TNNI3K: variants seen among roughly 807,000 people sequenced by gnomAD.
TNNI3K encodes the protein serine/threonine-protein kinase TNNI3K.
In TNNI3K, 140 loss-of-function variants were observed where a neutral mutation model predicts 114.5. The observed-to-expected ratio is 1.22, with a 90% CI of 1.07 to 1.41. The LOEUF is 1.41. Ranked by LOEUF, TNNI3K falls within the 40% of genes most tolerant of loss-of-function variation. The probability of loss-of-function intolerance (pLI) is 0.00; values close to 1 mark genes in which losing one functional copy is unlikely to be tolerated. For synonymous variants in TNNI3K, 347 were observed against 347.5 expected, an observed-to-expected ratio of 1.00 and a Z score of 0.02; for missense variants, 1,125 against 1,007.6, an observed-to-expected ratio of 1.12 and a Z score of -1.58.
At chr1:74,390,973 A>AAC (rs966051315) in intron 17 of TNNI3K, among the ~76,000 whole-genome samples, 1 of 151,438 alleles carries the variant, frequency 6.6e-6, no homozygotes, top group Non-Finnish European at 1.5e-5. Flanking sequence ...CCGAAAAAAA[A>AAC]AAAAAACTGT....
chr1:74,443,351 C>T (rs1459289606), intron 20 of TNNI3K, among the ~76,000 whole-genome samples: 1 of 151,934 alleles, frequency 6.6e-6, no homozygotes, highest in Non-Finnish European at 1.5e-5. Context: ...CACAGAAATA[C>T]AAACAACCAC....
chr1:74,337,535 T>C (rs1660538771), intron 7 of TNNI3K, among the ~76,000 whole-genome samples: 1 of 152,172 alleles, frequency 6.6e-6, no homozygotes, highest in African/African-American at 2.4e-5. Context: ...ATGTCTTCAC[T>C]GTTGTTCACT....
At chr1:74,312,494 T>C (rs1659049742) in intron 5 of TNNI3K, among the ~76,000 whole-genome samples, 1 of 152,212 alleles carries the variant, frequency 6.6e-6, no homozygotes, top group African/African-American at 2.4e-5. Flanking sequence ...TCTACTGAGA[T>C]TATTTATGAC....
chr1:74,328,541 C>T (rs887821491), intron 5 of TNNI3K, among the ~76,000 whole-genome samples: 5 of 152,088 alleles, frequency 3.3e-5, no homozygotes, highest in African/African-American at 1.2e-4. Flanking sequence ...AAATGCATTG[C>T]TCTCAATGGT....
chr1:74,264,251 T>A (rs1655841686), intron 4 of TNNI3K, among the ~76,000 whole-genome samples: 1 of 151,716 alleles, frequency 6.6e-6, no homozygotes, highest in Non-Finnish European at 1.5e-5. Flanking sequence ...TGAAAATAAA[T>A]CCAGAATTGT....
intron 21 of TNNI3K, chr1:74,472,217 T>C (rs544188492): frequency 1.4e-6 from 1 of 715,946 alleles, no homozygotes; most frequent in Admixed American, 2.0e-5. Context: ...GAACAATAAA[T>C]GCAAGAATTT....
intron 2 of TNNI3K, among the ~76,000 whole-genome samples, chr1:74,241,646 G>C (rs530967713): frequency 2.6e-5 from 4 of 152,038 alleles, no homozygotes; most frequent in Non-Finnish European, 5.9e-5. Flanking sequence ...TTGTAAATTT[G>C]TTTGAGTTCA....
At chr1:74,330,231 A>C (rs1660125579) in intron 5 of TNNI3K, among the ~76,000 whole-genome samples, 1 of 152,066 alleles carries the variant, frequency 6.6e-6, no homozygotes, top group African/African-American at 2.4e-5. Flanking sequence ...GAAAAGAAAC[A>C]GATATAGGAA....
At chr1:74,491,805 T>G (rs1402725434) in intron 22 of TNNI3K, among the ~76,000 whole-genome samples, 1 of 152,220 alleles carries the variant, frequency 6.6e-6, no homozygotes, top group East Asian at 1.9e-4. Flanking sequence ...CATTGAATAA[T>G]AACCTTCTAA....
chr1:74,301,867 T>C (rs1263170122), intron 5 of TNNI3K, among the ~76,000 whole-genome samples: 1 of 152,164 alleles, frequency 6.6e-6, no homozygotes, highest in Non-Finnish European at 1.5e-5. Flanking sequence ...CTTGGAAACA[T>C]TTTAGTAAAG....
intron 21 of TNNI3K, among the ~76,000 whole-genome samples, chr1:74,487,719 T>C (rs765630609): frequency 6.6e-6 from 1 of 152,116 alleles, no homozygotes; most frequent in Non-Finnish European, 1.5e-5. Flanking sequence ...GGTAGGTAGG[T>C]AGAAAGAAGA....
chr1:74,374,373 A>G (rs1466741460), intron 17 of TNNI3K: 4 of 151,952 alleles, frequency 2.6e-5, no homozygotes, highest in African/African-American at 9.7e-5. Flanking sequence ...ACGCAACTCT[A>G]TGGGATAGTT....
chr1:74,403,458 C>G (rs1664469352), intron 17 of TNNI3K, among the ~76,000 whole-genome samples: 1 of 152,084 alleles, frequency 6.6e-6, no homozygotes, highest in African/African-American at 2.4e-5. Context: ...GCCAAACTTT[C>G]AGTATGTCAA....
At chr1:74,247,244 G>T (rs575338278) in intron 2 of TNNI3K, among the ~76,000 whole-genome samples, 2 of 152,122 alleles carry the variant, frequency 1.3e-5, no homozygotes, top group East Asian at 1.9e-4. Flanking sequence ...GCCGACCTTC[G>T]CAGTGAGTGT....
chr1:74,420,584 A>T (rs1282397224), intron 17 of TNNI3K, among the ~76,000 whole-genome samples: 1 of 152,144 alleles, frequency 6.6e-6, no homozygotes, highest in Non-Finnish European at 1.5e-5. Flanking sequence ...ATCAGGAGAG[A>T]ACACTGCAAG....
chr1:74,516,210 C>T lies in TNNI3K; in HGVS notation c.2351+23944C>T, dbSNP rs1295008948. ...TTTCTGTTCTGAAATTTCCCATTAGCCAGGAAAAAAAATTTTGACTAATGT... is the reference window on the plus strand; with the variant it reads ...TTTCTGTTCTGAAATTTCCCATTAGTCAGGAAAAAAAATTTTGACTAATGT... On this transcript the variant is annotated intron_variant, in intron 23 of 24. Transcript: ENST00000326637. Among the ~76,000 whole-genome samples, 4 of 151,896 alleles carry T rather than the reference C, an allele frequency of 2.6e-5. No individual in the cohort carries two copies. The East Asian group carries it at 7.7e-4, about 29-fold the overall frequency.
At position 74,544,101 on chromosome 1, in the gene TNNI3K, CT is replaced by C. The variant is rs1646760157; in HGVS notation, c.*121del. The C allele has an allele frequency of 9.7e-7, 1 of 1,031,690 alleles. No individual in the cohort carries two copies. Among genetic ancestry groups the C allele is most frequent in the Admixed American group, 3.3e-5 (1 of 30,460 alleles). The allele number at this position is 1,031,690 out of a possible 1,614,324, so 63.9% of individuals were successfully genotyped here. The stretch of plus-strand genomic sequence containing the variant: ...CTCTCAAAGGTCTCCTTAAATTGGG[CT>C]TGTTTTTACTTGTCCTATTTAATTC... On this transcript the variant is annotated 3_prime_UTR_variant, in exon 25 of 25. Transcript: ENST00000326637.
intron 17 of TNNI3K, among the ~76,000 whole-genome samples, chr1:74,387,487 G>A (rs1570557678): frequency 6.6e-6 from 1 of 152,272 alleles, no homozygotes; most frequent in Non-Finnish European, 1.5e-5. Flanking sequence ...TTCAAAAAGA[G>A]AACCATAGGG....
chr1:74,475,641 T>G, intron 21 of TNNI3K: 1 of 717,158 alleles, frequency 1.4e-6, no homozygotes, highest in African/African-American at 1.7e-5. Context: ...TTTCCTGAGT[T>G]AAGTGGCAGT....
Sources: gnomAD v4.1 joint callset for allele counts (sites outside exome capture counted in the v4.1 genomes callset) on GRCh38, gnomAD v4.1.1 for gene constraint, MANE v1.5 for transcripts, NCBI Gene and HGNC (gene_info 2026-07-23, HGNC 2026-07-21) for gene names.